The following PRKAR2A variants were observed in gnomAD, a reference collection of about 807,000 sequenced individuals.
The protein encoded by PRKAR2A is protein kinase cAMP-dependent type II regulatory subunit alpha.
In PRKAR2A, 29 loss-of-function variants were observed where a neutral mutation model predicts 51.9. The ratio of observed to expected loss-of-function variants is 0.56; its 90% CI spans 0.42 to 0.76. The LOEUF (loss-of-function observed/expected upper bound fraction) is 0.76, where lower values mean the gene tolerates loss of function less well. Ranked by LOEUF, PRKAR2A falls within the 30% of genes least tolerant of loss-of-function variation. The pLI is 0.00. For synonymous variants in PRKAR2A, 178 were observed against 186.2 expected, an observed-to-expected ratio of 0.96 and a Z score of 0.36; for missense variants, 445 against 512.1, an observed-to-expected ratio of 0.87 and a Z score of 1.26.
At chr3:48,778,970 C>A (rs566371009) in intron 5 of PRKAR2A, among the ~76,000 whole-genome samples, 6 of 151,864 alleles carry the variant, frequency 4.0e-5, no homozygotes, top group Admixed American at 2.6e-4. Flanking sequence ...GGATTAAAGG[C>A]GCCCACCACC....
intron 1 of PRKAR2A, among the ~76,000 whole-genome samples, chr3:48,816,324 C>T (rs766020546): frequency 6.6e-5 from 10 of 152,172 alleles, no homozygotes; most frequent in Admixed American, 1.3e-4. Flanking sequence ...AGAAGACTGG[C>T]ATTTTGTCAG....
downstream of PRKAR2A, among the ~76,000 whole-genome samples, chr3:48,745,573 C>T (rs1351117105): frequency 1.7e-5 from 2 of 117,926 alleles, no homozygotes; most frequent in East Asian, 2.6e-4. Context: ...TCACTCTTGT[C>T]GCCCATGCTG....
In PRKAR2A at chr3:48,847,242, G is replaced by T; in HGVS notation, c.262+93C>A. Reference sequence around the variant, plus strand: ...AGCTCCCAATCCCAGCCTGCGGTCGGCTTGGCTGCGGCGCGACACCTGGCT... The same window carrying T: ...AGCTCCCAATCCCAGCCTGCGGTCGTCTTGGCTGCGGCGCGACACCTGGCT... On this transcript the variant is annotated intron_variant, in intron 1 of 10. Coordinates refer to ENST00000265563, the MANE Select transcript of PRKAR2A (RefSeq NM_004157.4). The surrounding 1 kb of genome is among the most constrained non-coding windows in gnomAD (Gnocchi z 4.4). 6.8e-7 allele frequency: 1 copy of T among 1,462,478 alleles called. No homozygotes were observed. The highest frequency in any genetic ancestry group is 9.2e-7 in the Non-Finnish European group (1 of 1,086,974). 90.6% of individuals were successfully genotyped at this position (1,462,478 alleles called of 1,614,324 possible).
chr3:48,794,440 T>G (rs1217281387), intron 2 of PRKAR2A, among the ~76,000 whole-genome samples: 3 of 151,896 alleles, frequency 2.0e-5, no homozygotes, highest in Non-Finnish European at 4.4e-5. Flanking sequence ...CTCATGCCTA[T>G]AATCCCAGCA....
intron 2 of PRKAR2A, among the ~76,000 whole-genome samples, chr3:48,803,510 C>T (rs145310436): frequency 6.6e-6 from 1 of 152,260 alleles, no homozygotes; most frequent in African/African-American, 2.4e-5. Context: ...CTGTAACCTC[C>T]GCTTCCCAGG....
intron 5 of PRKAR2A, among the ~76,000 whole-genome samples, chr3:48,773,376 C>G (rs1393502698): frequency 8.1e-6 from 1 of 123,362 alleles, no homozygotes; most frequent in African/African-American, 3.2e-5. Context: ...CGGAGTCTCG[C>G]TCTGTCACCC....
intron 2 of PRKAR2A, among the ~76,000 whole-genome samples, chr3:48,801,810 C>T (rs192465400): frequency 6.6e-6 from 1 of 152,250 alleles, no homozygotes; most frequent in African/African-American, 2.4e-5. Context: ...AATCTCAGTT[C>T]ACTATAACCT....
intron 1 of PRKAR2A, among the ~76,000 whole-genome samples, chr3:48,813,320 T>C (rs1041541584): frequency 6.6e-6 from 1 of 151,838 alleles, no homozygotes. Context: ...GGAGGATTGC[T>C]GGAATCCAGG....
At chr3:48,790,167 T>C (rs1411653250) in intron 4 of PRKAR2A, among the ~76,000 whole-genome samples, 1 of 152,162 alleles carries the variant, frequency 6.6e-6, no homozygotes, top group Non-Finnish European at 1.5e-5. Context: ...GACAAAGTGA[T>C]GATTTGCGTT....
chr3:48,769,403 C>T (rs1222922285), intron 6 of PRKAR2A, among the ~76,000 whole-genome samples: 2 of 151,796 alleles, frequency 1.3e-5, no homozygotes, highest in African/African-American at 2.4e-5. Context: ...ATGATCCGCC[C>T]GCCTTGGCCT....
At chr3:48,812,053 CTG>C (rs992137811) in intron 1 of PRKAR2A, among the ~76,000 whole-genome samples, 3 of 151,612 alleles carry the variant, frequency 2.0e-5, no homozygotes, top group Admixed American at 6.6e-5. Context: ...CTGTACAAGT[CTG>C]TAAGTTTACT....
chr3:48,847,278 C>G lies in PRKAR2A; in HGVS notation c.262+57G>C. On this transcript the variant is annotated intron_variant, in intron 1 of 10. Coordinates refer to ENST00000265563, the MANE Select transcript of PRKAR2A (RefSeq NM_004157.4). The surrounding 1 kb of genome is among the most constrained non-coding windows in gnomAD (Gnocchi z 4.4). ...GCGCGACACCTGGCTCCCTGCCACC[C>G]CTCTAGACCTCTGGAGACCTCCTGC... 1 of 1,585,736 alleles carries G rather than the reference C, an allele frequency of 6.3e-7. No individual in the cohort carries two copies. The highest frequency in any genetic ancestry group is 8.6e-7 in the Non-Finnish European group (1 of 1,164,542).
chr3:48,795,656 C>A (rs981886782), intron 2 of PRKAR2A, among the ~76,000 whole-genome samples: 1 of 152,184 alleles, frequency 6.6e-6, no homozygotes, highest in Non-Finnish European at 1.5e-5. Flanking sequence ...CCTGCCTTAG[C>A]CTCCTTAGTA....
At chr3:48,835,363 C>T (rs372757278) in intron 1 of PRKAR2A, among the ~76,000 whole-genome samples, 96 of 151,954 alleles carry the variant, frequency 6.3e-4, no homozygotes, top group Admixed American at 5.9e-4. Context: ...AGGGTGTGGC[C>T]GGTTGCTGTG....
chr3:48,759,930 GTACTTTAA>G (rs1474740151), intron 8 of PRKAR2A, among the ~76,000 whole-genome samples: 1 of 152,134 alleles, frequency 6.6e-6, no homozygotes, highest in African/African-American at 2.4e-5. Context: ...TAATGCAATG[GTACTTTAA>G]TAGCAAAAAC....
chr3:48,808,886 C>T (rs1399391091), intron 1 of PRKAR2A, among the ~76,000 whole-genome samples: 2 of 66,376 alleles, frequency 3.0e-5, no homozygotes, highest in Non-Finnish European at 3.3e-5. Context: ...AGGTGATCCG[C>T]CTGCCTCAGC....
chr3:48,847,778 C>A lies in PRKAR2A; in HGVS notation c.-182G>T. 1.8e-6 allele frequency: 1 copy of A among 563,326 alleles called. No individual in the cohort carries two copies. The highest frequency in any genetic ancestry group is 2.7e-6 in the Non-Finnish European group (1 of 374,010). The allele number at this position is 563,326 out of a possible 1,614,324, so 34.9% of individuals were successfully genotyped here. A position where few individuals can be genotyped will look rare whatever the true frequency, so the allele number is the denominator to read the frequency against. On this transcript the variant is annotated 5_prime_UTR_variant, in exon 1 of 11. Coordinates refer to ENST00000265563, the MANE Select transcript of PRKAR2A (RefSeq NM_004157.4). This position sits in a 1 kb window ranked among gnomAD's most constrained non-coding sequence, Gnocchi z 4.4. The stretch of plus-strand genomic sequence containing the variant: ...CCGCGCAACCCTACGCTACCACGGC[C>A]GACCTGGCACCGCCGCCGCTGTCAC...
intron 10 of PRKAR2A, 53 bp from the exon 11 acceptor site, chr3:48,751,771 A>T: frequency 6.4e-7 from 1 of 1,573,964 alleles, no homozygotes; most frequent in Non-Finnish European, 8.7e-7. Flanking sequence ...CATTTCCCTC[A>T]TGCAAACCTT....
At chr3:48,804,558 G>C (rs997639091) in intron 2 of PRKAR2A, among the ~76,000 whole-genome samples, 3 of 152,176 alleles carry the variant, frequency 2.0e-5, no homozygotes, top group African/African-American at 7.2e-5. Context: ...AGGTTAGTAA[G>C]GAAGAAGTGG....
Sources: allele counts gnomAD v4.1 joint callset (sites outside exome capture counted in the v4.1 genomes callset), GRCh38; gene constraint gnomAD v4.1.1; non-coding constraint Gnocchi (gnomAD v3.1); transcripts MANE v1.5; gene names NCBI Gene and HGNC (gene_info 2026-07-23, HGNC 2026-07-21).